Variants in LAMA2 observed in about 807,000 individuals in gnomAD.
The protein encoded by LAMA2 is laminin subunit alpha-2.
LAMA2 carries 269 observed loss-of-function variants against 364.8 expected under a neutral mutation model. The ratio of observed to expected loss-of-function variants is 0.74; its 90% CI spans 0.67 to 0.82. LAMA2 has a LOEUF of 0.82. LAMA2 is among the 40% of genes least tolerant of loss of function. The pLI is 0.00. For missense variants in LAMA2, 3,807 were observed against 3,873.2 expected (o/e 0.98, Z 0.45); for synonymous variants, 1,379 against 1,370.6 (o/e 1.01, Z -0.14).
intron 17 of LAMA2, 64 bp downstream of exon 17, chr6:129,270,815 G>A: frequency 1.3e-6 from 2 of 1,488,920 alleles, no homozygotes; most frequent in East Asian, 2.3e-5. Flanking sequence ...ACTTTTCATA[G>A]CAAATATACA....
intron 58 of LAMA2, among the ~76,000 whole-genome samples, chr6:129,498,312 A>T (rs897548025): frequency 1.3e-5 from 2 of 152,240 alleles, no homozygotes; most frequent in East Asian, 3.8e-4. Flanking sequence ...AAGGAAAGCG[A>T]TTTCCCTAGC....
At chr6:128,886,914 T>C (rs1272381657) in intron 1 of LAMA2, among the ~76,000 whole-genome samples, 1 of 152,196 alleles carries the variant, frequency 6.6e-6, no homozygotes, top group Non-Finnish European at 1.5e-5. Flanking sequence ...ATGCCTCTAC[T>C]GAGAGGAAGT....
chr6:129,058,475 G>C (rs1788639355), intron 2 of LAMA2, among the ~76,000 whole-genome samples: 1 of 152,130 alleles, frequency 6.6e-6, no homozygotes, highest in South Asian at 2.1e-4. Flanking sequence ...TATATGTCTG[G>C]GTGAAAGTAA....
intron 1 of LAMA2, among the ~76,000 whole-genome samples, chr6:129,046,294 A>G (rs1370291897): frequency 1.3e-5 from 2 of 152,236 alleles, no homozygotes; most frequent in Non-Finnish European, 2.9e-5. Flanking sequence ...TAATAAAGAC[A>G]TACCCAAGAC....
At chr6:129,361,042 G>T (rs986655753) in intron 32 of LAMA2, among the ~76,000 whole-genome samples, 12 of 152,034 alleles carry the variant, frequency 7.9e-5, no homozygotes, top group Non-Finnish European at 1.3e-4. Flanking sequence ...ATAAATTAAA[G>T]AATAATTTAA....
chr6:129,431,294 G>C (rs1781578842), intron 41 of LAMA2, among the ~76,000 whole-genome samples: 1 of 151,760 alleles, frequency 6.6e-6, no homozygotes, highest in African/African-American at 2.4e-5. Context: ...AGCTACTCAG[G>C]AGGCTGAGGT....
At chr6:129,109,938 G>T (rs1776047368) in intron 4 of LAMA2, among the ~76,000 whole-genome samples, 1 of 151,768 alleles carries the variant, frequency 6.6e-6, no homozygotes, top group African/African-American at 2.4e-5. Flanking sequence ...TAATCTTCTG[G>T]ACTTTTCTTC....
At chr6:128,969,441 T>A (rs959000892) in intron 1 of LAMA2, among the ~76,000 whole-genome samples, 1 of 152,202 alleles carries the variant, frequency 6.6e-6, no homozygotes, top group African/African-American at 2.4e-5. Context: ...AATTTATTTT[T>A]ATTTTTTTGA....
intron 34 of LAMA2, among the ~76,000 whole-genome samples, chr6:129,374,896 C>T (rs1041996977): frequency 6.6e-6 from 1 of 151,744 alleles, no homozygotes; most frequent in Non-Finnish European, 1.5e-5. Context: ...TACTGCCAAT[C>T]TTTGTTATGC....
intron 48 of LAMA2, among the ~76,000 whole-genome samples, chr6:129,457,389 A>G (rs144733335): frequency 6.6e-6 from 1 of 152,238 alleles, no homozygotes; most frequent in East Asian, 1.9e-4. Flanking sequence ...CTTCACAGAT[A>G]GATAAATATA....
intron 3 of LAMA2, among the ~76,000 whole-genome samples, chr6:129,089,892 C>T (rs1282350092): frequency 1.3e-5 from 2 of 151,984 alleles, no homozygotes; most frequent in African/African-American, 4.8e-5. Flanking sequence ...ACCTTATGGG[C>T]CAACGATACC....
chr6:129,076,875 C>T (rs1022581110), intron 3 of LAMA2, among the ~76,000 whole-genome samples: 1 of 151,834 alleles, frequency 6.6e-6, no homozygotes, highest in Non-Finnish European at 1.5e-5. Context: ...TTAGCTGAAA[C>T]AATAAACACA....
At chr6:129,143,624 C>T (rs936101567) in intron 4 of LAMA2, among the ~76,000 whole-genome samples, 2 of 151,830 alleles carry the variant, frequency 1.3e-5, no homozygotes, top group South Asian at 2.1e-4. Flanking sequence ...TTAGGAAGGT[C>T]GAATTGACGC....
intron 12 of LAMA2, among the ~76,000 whole-genome samples, chr6:129,248,130 C>G (rs771883639): frequency 6.6e-6 from 1 of 152,146 alleles, no homozygotes; most frequent in Non-Finnish European, 1.5e-5. Context: ...GAGCAGGAAC[C>G]TTATTGTGAA....
intron 58 of LAMA2, among the ~76,000 whole-genome samples, chr6:129,500,305 A>T (rs1785529018): frequency 7.3e-6 from 1 of 137,086 alleles, no homozygotes. Flanking sequence ...AACAGTATCC[A>T]TCCTGTTGCA....
At chr6:129,504,354 G>A (rs1235713451) in intron 60 of LAMA2, among the ~76,000 whole-genome samples, 6 of 152,212 alleles carry the variant, frequency 3.9e-5, no homozygotes, top group Non-Finnish European at 8.8e-5. Flanking sequence ...CTGGGATTAA[G>A]AAAGGGAACT....
At chr6:129,122,721 G>A (rs192564519) in intron 4 of LAMA2, among the ~76,000 whole-genome samples, 1 of 152,164 alleles carries the variant, frequency 6.6e-6, no homozygotes, top group East Asian at 1.9e-4. Context: ...CCCCCACATA[G>A]CTCCACCCCG....
chr6:129,477,057 C>T (rs749653469), intron 53 of LAMA2, among the ~76,000 whole-genome samples: 13 of 152,176 alleles, frequency 8.5e-5, no homozygotes, highest in Non-Finnish European at 1.5e-4. Context: ...ATCACCCTAT[C>T]AACTACAATA....
intron 28 of LAMA2, among the ~76,000 whole-genome samples, chr6:129,326,338 A>G (rs1412034757): frequency 1.3e-5 from 2 of 152,090 alleles, no homozygotes; most frequent in South Asian, 4.1e-4. Flanking sequence ...GCGCTTGTCT[A>G]TTGTGTCAGG....
Sources: allele counts gnomAD v4.1 joint callset (sites outside exome capture counted in the v4.1 genomes callset), GRCh38; gene constraint gnomAD v4.1.1; transcripts MANE v1.5; gene names NCBI Gene and HGNC (gene_info 2026-07-23, HGNC 2026-07-21).